HMGN1: variants seen among roughly 807,000 people sequenced by gnomAD.
HMGN1 encodes non-histone chromosomal protein HMG-14.
A neutral mutation model predicts 18.4 loss-of-function variants in HMGN1; 9 were observed. The observed-to-expected ratio is 0.49, with a 90% CI of 0.29 to 0.85. The LOEUF is 0.85. HMGN1 is among the 40% of genes least tolerant of loss of function. The probability of loss-of-function intolerance (pLI) is 0.07; values close to 1 mark genes in which losing one functional copy is unlikely to be tolerated. For missense variants in HMGN1, 151 were observed against 119.2 expected (o/e 1.27, Z -1.24); for synonymous variants, 59 against 45.0 (o/e 1.31, Z -1.24).
At position 39,349,053 on chromosome 21, in the gene HMGN1, C is replaced by T; in HGVS notation, c.-136G>A. The T allele has an allele frequency of 2.0e-6, 2 of 994,010 alleles. No homozygotes were observed. Among genetic ancestry groups the T allele is most frequent in the Non-Finnish European group, 2.5e-6 (2 of 787,266 alleles). 61.6% of individuals were successfully genotyped at this position (994,010 alleles called of 1,614,324 possible). ...GCCACTCCTCCCGCCGCCCGAGCTG[C>T]TGAGACCCACAGCGGGGGCGGTGGG... On this transcript the variant is annotated 5_prime_UTR_variant, in exon 1 of 6. Coordinates refer to ENST00000380749, the MANE Select transcript of HMGN1 (RefSeq NM_004965.7).
At chr21:39,346,636 G>A (rs2037064880) in intron 4 of HMGN1, 1 of 152,476 alleles carries the variant, frequency 6.6e-6, no homozygotes, top group Non-Finnish European at 1.5e-5. Flanking sequence ...TCTAGGGAAA[G>A]ATACAAGTCA....
At chr21:39,348,105 T>C (rs1453859672) in intron 4 of HMGN1, 187 bp downstream of exon 4, 1 of 890,248 alleles carries the variant, frequency 1.1e-6, no homozygotes, top group East Asian at 2.7e-5. Flanking sequence ...AGCATTAGTG[T>C]GATATAGTTC....
At chr21:39,345,083 G>A in intron 5 of HMGN1, 63 bp downstream of exon 5, 3 of 1,376,700 alleles carry the variant, frequency 2.2e-6, no homozygotes, top group Non-Finnish European at 2.9e-6. Flanking sequence ...GTACAATTTA[G>A]TATCTACTGT....
At position 39,345,136 on chromosome 21, in the gene HMGN1, C is replaced by CACACACACACA. The variant is rs770112104; in HGVS notation, c.255+9_255+10insTGTGTGTGTGT. 3.9e-6 allele frequency: 6 copies of CACACACACACA among 1,556,462 alleles called. No individual in the cohort carries two copies. The highest frequency in any genetic ancestry group is 5.2e-6 in the Non-Finnish European group (6 of 1,149,782). The stretch of plus-strand genomic sequence containing the variant: ...ACACACACACACACACACACACACA[C>CACACACACACA]ACTTCTGACCTCCTCAGTCTTCGTT... On this transcript the variant is annotated intron_variant, in intron 5 of 5. Coordinates refer to ENST00000380749, the MANE Select transcript of HMGN1 (RefSeq NM_004965.7).
At chr21:39,348,090 G>T in intron 4 of HMGN1, 1 of 885,900 alleles carries the variant, frequency 1.1e-6, no homozygotes, top group Non-Finnish European at 1.7e-6. Flanking sequence ...CCTAACATCT[G>T]CAGCAGCATT....
chr21:39,346,257 G>A (rs2146856776), intron 4 of HMGN1: 3 of 330,184 alleles, frequency 9.1e-6, no homozygotes, highest in Non-Finnish European at 1.8e-5. Flanking sequence ...TCACTGCAGG[G>A]TGTTCTGTAC....
chr21:39,349,085 G>A lies in HMGN1; in HGVS notation c.-168C>T. On this transcript the variant is annotated 5_prime_UTR_variant, in exon 1 of 6. Coordinates refer to ENST00000380749, the MANE Select transcript of HMGN1 (RefSeq NM_004965.7). ...CCACAGCGGGGGCGGTGGGAGAACC[G>A]GATGGAACCGGATTGGGAGCCCGCC... The A allele has an allele frequency of 2.7e-6, 2 of 728,306 alleles. No individual in the cohort carries two copies. Among genetic ancestry groups the A allele is most frequent in the Non-Finnish European group, 3.7e-6 (2 of 545,244 alleles). 45.1% of individuals were successfully genotyped at this position (728,306 alleles called of 1,614,324 possible).
rs2037169931 is a variant in HMGN1 at position 39,348,891 on chromosome 21, G to A, written c.15+12C>T. 2.6e-6 allele frequency: 3 copies of A among 1,153,354 alleles called. No homozygotes were observed. Among genetic ancestry groups the A allele is most frequent in the Non-Finnish European group, 3.2e-6 (3 of 939,784 alleles). The allele number at this position is 1,153,354 out of a possible 1,614,324, so 71.4% of individuals were successfully genotyped here. A position where few individuals can be genotyped will look rare whatever the true frequency, so the allele number is the denominator to read the frequency against. ...CTCCAGGGGGCGTGTGCGGGCCGCGGCCGCCGCTCACCTTCCTCTTGGGCA... is the reference window on the plus strand; with the variant it reads ...CTCCAGGGGGCGTGTGCGGGCCGCGACCGCCGCTCACCTTCCTCTTGGGCA... On this transcript the variant is annotated intron_variant, in intron 1 of 5. Coordinates refer to ENST00000380749, the MANE Select transcript of HMGN1 (RefSeq NM_004965.7).
intron 4 of HMGN1, chr21:39,345,694 A>T: frequency 1.9e-6 from 1 of 530,846 alleles, no homozygotes; most frequent in Non-Finnish European, 3.3e-6. Flanking sequence ...CTACAGTTCC[A>T]CATGACAGGA....
chr21:39,344,256 C>CAAAAAAAAA (rs3067491), intron 5 of HMGN1, among the ~76,000 whole-genome samples: 2 of 113,508 alleles, frequency 1.8e-5, no homozygotes, highest in African/African-American at 3.6e-5. Context: ...AATTCCGTCT[C>CAAAAAAAAA]AAAAAAAAAA....
At chr21:39,348,710 C>A in intron 1 of HMGN1, 133 bp from the exon 2 acceptor site, 1 of 1,187,628 alleles carries the variant, frequency 8.4e-7, no homozygotes, top group South Asian at 1.7e-5. Context: ...GCCCCCTCAG[C>A]TCCCCCGGCC....
chr21:39,348,779 C>T (rs1358588979), intron 1 of HMGN1, 124 bp downstream of exon 1: 3 of 1,071,122 alleles, frequency 2.8e-6, no homozygotes, highest in South Asian at 4.5e-5. Flanking sequence ...GCCCGCCCGC[C>T]GGTCTCCAAG....
chr21:39,345,739 T>A (rs2037028574), intron 4 of HMGN1: 2 of 898,466 alleles, frequency 2.2e-6, no homozygotes, highest in Non-Finnish European at 3.2e-6. Context: ...AGGAGTCTCG[T>A]CGACCGTATT....
chr21:39,348,520 C>T, intron 2 of HMGN1, 25 bp downstream of exon 2: 4 of 1,613,398 alleles, frequency 2.5e-6, no homozygotes, highest in South Asian at 2.2e-5. Context: ...AAACCCACCA[C>T]CCCCCGCAGA....
At chr21:39,347,771 GT>G in intron 4 of HMGN1, 1 of 296,480 alleles carries the variant, frequency 3.4e-6, no homozygotes, top group Non-Finnish European at 6.2e-6. Context: ...CAAAATCACG[GT>G]TTTGTATAAC....
Position 39,348,561 on chromosome 21 carries a change from C to A in HMGN1, c.32G>T (p.Gly11Val). The change falls in exon 2 of 6, where the codon GGC (glycine) becomes GTC (valine). Residue 11 changes from glycine to valine, a missense_variant. Coordinates refer to ENST00000380749, the MANE Select transcript of HMGN1 (RefSeq NM_004965.7). Reference protein sequence around the residue: MPKRKVSSAEGAAKEEPKRRS... With the variant: MPKRKVSSAEVAAKEEPKRRS... ...CGCACTCACCTCTTCCTTGGCGGCG[C>A]CTTCGGCGGAGCTGACCTGCGGAGA... 6.2e-7 allele frequency: 1 copy of A among 1,611,850 alleles called. No individual in the cohort carries two copies.
chr21:39,347,933 G>C (rs2037115716), intron 4 of HMGN1: 1 of 1,075,978 alleles, frequency 9.3e-7, no homozygotes, highest in African/African-American at 1.8e-5. Context: ...CTTTCTCCTG[G>C]CCTCGGTGCT....
chr21:39,343,573 C>T (rs910188954), intron 5 of HMGN1, among the ~76,000 whole-genome samples: 1 of 152,200 alleles, frequency 6.6e-6, no homozygotes, highest in Non-Finnish European at 1.5e-5. Flanking sequence ...TTGCTCAATT[C>T]AAGGCTGTGA....
At position 39,345,247 on chromosome 21, in the gene HMGN1, T is replaced by A. The variant is rs767824759; in HGVS notation, c.154A>T (p.Thr52Ser). ...KDKSSDKKVQ[T>S]KGKRGAKGKQ... ...CCCTTTGCTCCCCTTTTCCCTTTTG[T>A]TTGCACTTTTTTGTCTGAAGATTTA... is the stretch of plus-strand genomic sequence containing the variant. Residue 52 changes from threonine to serine, a missense_variant, in exon 5 of 6, where the codon ACA becomes TCA. Coordinates refer to ENST00000380749, the MANE Select transcript of HMGN1 (RefSeq NM_004965.7). The A allele has an allele frequency of 1.2e-6, 2 of 1,613,558 alleles. No homozygotes were observed. Among genetic ancestry groups the A allele is most frequent in the African/African-American group, 2.7e-5 (2 of 74,900 alleles).
Sources: allele counts gnomAD v4.1 joint callset (sites outside exome capture counted in the v4.1 genomes callset), GRCh38; gene constraint gnomAD v4.1.1; transcripts MANE v1.5; gene names NCBI Gene and HGNC (gene_info 2026-07-23, HGNC 2026-07-21).